KIRREL1: variants seen among roughly 807,000 people sequenced by gnomAD.
The protein encoded by KIRREL1 is kirre like nephrin family adhesion molecule 1.
Under a neutral mutation model 83.3 loss-of-function variants are expected in KIRREL1, and 25 were observed. The observed-to-expected ratio is 0.30, with a 90% CI of 0.22 to 0.42. The LOEUF is 0.42. Ranked by LOEUF, KIRREL1 falls within the 10% of genes least tolerant of loss-of-function variation. KIRREL1 has a pLI of 1.00. For missense variants in KIRREL1, 812 were observed against 1,032.3 expected (o/e 0.79, Z 2.92); for synonymous variants, 388 against 410.4 (o/e 0.95, Z 0.66).
chr1:158,068,598 C>T (rs1047367771), intron 1 of KIRREL1, among the ~76,000 whole-genome samples: 2 of 152,224 alleles, frequency 1.3e-5, no homozygotes, highest in Non-Finnish European at 2.9e-5. Flanking sequence ...TGCCCAGCCC[C>T]AGCTCAGCAC....
chr1:157,999,501 G>A (rs957836516), intron 1 of KIRREL1, among the ~76,000 whole-genome samples: 2 of 152,128 alleles, frequency 1.3e-5, no homozygotes, highest in African/African-American at 4.8e-5. Flanking sequence ...ATTGCAAAGG[G>A]GTGGCAGTTG....
intron 1 of KIRREL1, among the ~76,000 whole-genome samples, chr1:158,053,265 C>A (rs1238211839): frequency 6.6e-6 from 1 of 152,212 alleles, no homozygotes; most frequent in African/African-American, 2.4e-5. Context: ...ACCTGACACA[C>A]AGTAGGGTGC....
intron 11 of KIRREL1, among the ~76,000 whole-genome samples, chr1:158,093,099 A>C (rs1355509473): frequency 6.6e-6 from 1 of 152,186 alleles, no homozygotes; most frequent in Non-Finnish European, 1.5e-5. Context: ...ATGAGACATG[A>C]CCATGATCTC....
intron 1 of KIRREL1, among the ~76,000 whole-genome samples, chr1:158,039,856 G>C (rs1660577972): frequency 6.6e-6 from 1 of 152,222 alleles, no homozygotes; most frequent in South Asian, 2.1e-4. Flanking sequence ...TGTCTGTCTT[G>C]TTCTTTATAG....
intron 1 of KIRREL1, among the ~76,000 whole-genome samples, chr1:158,065,489 C>T (rs188890348): frequency 1.3e-3 from 202 of 152,196 alleles, no homozygotes; most frequent in Non-Finnish European, 2.4e-3. Flanking sequence ...TGTGCCTGCC[C>T]AGGAAAAGGC....
chr1:157,998,498 G>A (rs1000275875), intron 1 of KIRREL1, among the ~76,000 whole-genome samples: 1 of 152,158 alleles, frequency 6.6e-6, no homozygotes, highest in African/African-American at 2.4e-5. Flanking sequence ...AAATAAAAAG[G>A]TTTGTTTCTA....
chr1:158,055,387 C>T (rs946182699), intron 1 of KIRREL1, among the ~76,000 whole-genome samples: 1 of 152,096 alleles, frequency 6.6e-6, no homozygotes, highest in African/African-American at 2.4e-5. Context: ...ACTTTTGCAG[C>T]TCTCACCAAG....
At chr1:158,039,055 G>T (rs931657454) in intron 1 of KIRREL1, among the ~76,000 whole-genome samples, 1 of 152,168 alleles carries the variant, frequency 6.6e-6, no homozygotes, top group South Asian at 2.1e-4. Flanking sequence ...CACATGCTGG[G>T]CACGCTGGAC....
At chr1:158,053,324 T>G (rs1660958192) in intron 1 of KIRREL1, among the ~76,000 whole-genome samples, 1 of 152,214 alleles carries the variant, frequency 6.6e-6, no homozygotes, top group African/African-American at 2.4e-5. Context: ...CATTCAAGAT[T>G]TGGCACAATC....
chr1:158,004,377 A>G (rs1659454455), intron 1 of KIRREL1, among the ~76,000 whole-genome samples: 1 of 152,220 alleles, frequency 6.6e-6, no homozygotes, highest in South Asian at 2.1e-4. Context: ...TAACTGGGCC[A>G]AGGAGGGTGA....
intron 1 of KIRREL1, among the ~76,000 whole-genome samples, chr1:157,997,504 C>T (rs1459826742): frequency 6.6e-6 from 1 of 151,958 alleles, no homozygotes. Context: ...CTAGCTCCAG[C>T]TCCCCAGATT....
chr1:158,017,039 A>G (rs1318224751), intron 1 of KIRREL1, among the ~76,000 whole-genome samples: 1 of 152,138 alleles, frequency 6.6e-6, no homozygotes, highest in Admixed American at 6.6e-5. Context: ...GTTTTGTTCA[A>G]CCCCACATTC....
intron 1 of KIRREL1, among the ~76,000 whole-genome samples, chr1:158,032,673 G>A (rs920141142): frequency 2.6e-5 from 4 of 152,146 alleles, no homozygotes; most frequent in South Asian, 2.1e-4. Flanking sequence ...TGTCCCAGGC[G>A]TAAGAACCGC....
intron 1 of KIRREL1, among the ~76,000 whole-genome samples, chr1:158,056,224 C>T (rs771641215): frequency 1.2e-4 from 18 of 152,240 alleles, no homozygotes; most frequent in Non-Finnish European, 2.4e-4. Flanking sequence ...GGAGGCCACT[C>T]GCCCTCTTCC....
intron 4 of KIRREL1, 119 bp downstream of exon 4, chr1:158,084,698 C>A: frequency 9.6e-7 from 1 of 1,046,534 alleles, no homozygotes; most frequent in Non-Finnish European, 1.4e-6. Context: ...TCTTAGAGGT[C>A]ATCTGGTTCA....
intron 4 of KIRREL1, among the ~76,000 whole-genome samples, chr1:158,085,838 T>G (rs982156155): frequency 6.6e-6 from 1 of 152,108 alleles, no homozygotes; most frequent in Non-Finnish European, 1.5e-5. Flanking sequence ...AGCCTGTGAG[T>G]CCCTTCCCTG....
intron 1 of KIRREL1, among the ~76,000 whole-genome samples, chr1:158,044,503 T>C (rs1660722202): frequency 6.6e-6 from 1 of 152,032 alleles, no homozygotes; most frequent in South Asian, 2.1e-4. Flanking sequence ...TGTTTGCTTG[T>C]TTGTTTGTTT....
intron 1 of KIRREL1, among the ~76,000 whole-genome samples, chr1:158,038,851 G>T (rs761961913): frequency 1.7e-4 from 26 of 152,182 alleles, no homozygotes; most frequent in Non-Finnish European, 3.7e-4. Context: ...GTACGTAGTA[G>T]GTCTTCAATA....
chr1:158,076,225 G>C lies in KIRREL1; in HGVS notation c.165G>C (p.Lys55Asn). The C allele has an allele frequency of 6.2e-7, 1 of 1,614,186 alleles. No homozygotes were observed. The highest frequency in any genetic ancestry group is 8.5e-7 in the Non-Finnish European group (1 of 1,180,008). The change falls in exon 2 of 15, where the codon AAG (lysine) becomes AAC (asparagine). Residue 55 changes from lysine to asparagine, a missense_variant. By Grantham distance (94) the Lys-to-Asn change is moderately conservative (BLOSUM62 0). Around this residue, in one of 3 missense-constraint regions of KIRREL1, gnomAD observed 472 missense variants for 626.8 expected, o/e 0.75. Transcript: ENST00000359209. ...ACTCTGGAATTGTGCAATGGACCAAGGACGGGCTGGCCCTGGGCATGGGCC... is the reference window on the plus strand; with the variant it reads ...ACTCTGGAATTGTGCAATGGACCAACGACGGGCTGGCCCTGGGCATGGGCC... ...LNYSGIVQWT[K>N]DGLALGMGQG...
Sources: gnomAD v4.1 joint callset for allele counts (sites outside exome capture counted in the v4.1 genomes callset) on GRCh38, gnomAD v4.1.1 for gene constraint, gnomAD v4.1.1 regional missense constraint, MANE v1.5 for transcripts, NCBI Gene and HGNC (gene_info 2026-07-23, HGNC 2026-07-21) for gene names.